CCDC6: variants seen among roughly 807,000 people sequenced by gnomAD.
CCDC6 encodes coiled-coil domain-containing protein 6.
A neutral mutation model predicts 56.6 loss-of-function variants in CCDC6; 20 were observed. That is an observed-to-expected ratio of 0.35 (90% CI 0.25 to 0.51). The LOEUF (loss-of-function observed/expected upper bound fraction) is 0.51. Ranked by LOEUF, CCDC6 falls within the 20% of genes least tolerant of loss-of-function variation. CCDC6 has a pLI of 0.95. For synonymous variants in CCDC6, 241 were observed against 234.4 expected, an observed-to-expected ratio of 1.03 and a Z score of -0.26; for missense variants, 367 against 601.1, an observed-to-expected ratio of 0.61 and a Z score of 4.07.
chr10:59,839,911 C>T (rs1197661383), intron 2 of CCDC6, among the ~76,000 whole-genome samples: 5 of 152,164 alleles, frequency 3.3e-5, no homozygotes, highest in South Asian at 4.1e-4. Context: ...CTACAACCTC[C>T]GACTCCCTGG....
chr10:59,876,281 T>G (rs1443668649), intron 1 of CCDC6, among the ~76,000 whole-genome samples: 1 of 151,858 alleles, frequency 6.6e-6, no homozygotes, highest in Non-Finnish European at 1.5e-5. Flanking sequence ...ACTCCTGACC[T>G]CAGGCGATCC....
intron 1 of CCDC6, among the ~76,000 whole-genome samples, chr10:59,893,294 C>T (rs2071437719): frequency 6.9e-6 from 1 of 145,184 alleles, no homozygotes; most frequent in African/African-American, 2.4e-5. Context: ...ACACCAGTGA[C>T]TTCATTTTTA....
chr10:59,811,430 T>A (rs1240551464), intron 5 of CCDC6, among the ~76,000 whole-genome samples: 1 of 152,206 alleles, frequency 6.6e-6, no homozygotes, highest in Admixed American at 6.5e-5. Flanking sequence ...AGATGTTCAT[T>A]GCGGTTGTAG....
At chr10:59,892,303 G>A (rs1175510889) in intron 1 of CCDC6, among the ~76,000 whole-genome samples, 4 of 152,072 alleles carry the variant, frequency 2.6e-5, no homozygotes, top group Non-Finnish European at 4.4e-5. Context: ...TGACCTATAG[G>A]GAAAAAAACC....
intron 1 of CCDC6, among the ~76,000 whole-genome samples, chr10:59,854,788 T>A (rs554132116): frequency 3.1e-4 from 47 of 152,342 alleles, no homozygotes; most frequent in South Asian, 8.3e-4. Flanking sequence ...CATACATATC[T>A]AAGCCTGCCA....
chr10:59,896,319 C>T (rs1360989232), intron 1 of CCDC6, among the ~76,000 whole-genome samples: 1 of 152,220 alleles, frequency 6.6e-6, no homozygotes, highest in Non-Finnish European at 1.5e-5. Flanking sequence ...ACCCTTCCCT[C>T]CTGGAGGACA....
chr10:59,840,045 C>T (rs937567276), intron 2 of CCDC6, among the ~76,000 whole-genome samples: 2 of 152,130 alleles, frequency 1.3e-5, no homozygotes, highest in Non-Finnish European at 2.9e-5. Context: ...AGGCTGGTCT[C>T]AATCTCCTGA....
At chr10:59,867,275 G>A (rs2071185738) in intron 1 of CCDC6, among the ~76,000 whole-genome samples, 1 of 152,086 alleles carries the variant, frequency 6.6e-6, no homozygotes. Context: ...TCTCAGCCAA[G>A]GGCATTCCAA....
chr10:59,887,207 T>C (rs1258200595), intron 1 of CCDC6, among the ~76,000 whole-genome samples: 4 of 152,138 alleles, frequency 2.6e-5, no homozygotes. Flanking sequence ...GGTATGACTT[T>C]AAGCAAGTCA....
At position 59,846,748 on chromosome 10, in the gene CCDC6, A is replaced by C. The variant is rs140477183; in HGVS notation, c.453+5805T>G. 1.4e-3 allele frequency among the ~76,000 whole-genome samples: 209 copies of C among 152,360 alleles called. 1 individual carries two copies. Among genetic ancestry groups the C allele is most frequent in the Admixed American group, 0.013 (192 of 15,304 alleles). ...AGGTCTGAAATTTGCAAGCTGGATT[A>C]GATTGAAAAGATTAAGATATATGTA... On this transcript the variant is annotated intron_variant, in intron 2 of 8. Transcript: ENST00000263102.
At chr10:59,794,183 C>A (rs73263408) in intron 8 of CCDC6, among the ~76,000 whole-genome samples, 5 of 152,150 alleles carry the variant, frequency 3.3e-5, no homozygotes, top group Admixed American at 6.5e-5. Context: ...AACAATAATG[C>A]AAGGAGCTGG....
intron 5 of CCDC6, 101 bp from the exon 6 acceptor site, chr10:59,807,179 GA>G: frequency 1.9e-6 from 2 of 1,041,366 alleles, no homozygotes; most frequent in Non-Finnish European, 2.8e-6. Flanking sequence ...TAGACAGAGG[GA>G]ATTGTTACAA....
At chr10:59,841,793 G>C (rs1032500740) in intron 2 of CCDC6, among the ~76,000 whole-genome samples, 4 of 151,096 alleles carry the variant, frequency 2.6e-5, no homozygotes, top group African/African-American at 9.7e-5. Context: ...TCAGCCTCCC[G>C]AGTAGCTGGG....
At chr10:59,812,849 A>G in intron 4 of CCDC6, 54 bp from the exon 5 acceptor site, 2 of 1,325,308 alleles carry the variant, frequency 1.5e-6, no homozygotes, top group Non-Finnish European at 1.1e-6. Context: ...TTGAAAAGAC[A>G]AAACAACATA....
chr10:59,897,382 T>C (rs950174742), intron 1 of CCDC6, among the ~76,000 whole-genome samples: 1 of 151,856 alleles, frequency 6.6e-6, no homozygotes, highest in Non-Finnish European at 1.5e-5. Context: ...GCCTCCCGAG[T>C]AGCTGGGATT....
intron 1 of CCDC6, among the ~76,000 whole-genome samples, chr10:59,868,919 G>A (rs547694158): frequency 1.4e-5 from 2 of 147,894 alleles, no homozygotes; most frequent in African/African-American, 5.3e-5. Flanking sequence ...TTTGTCCCAT[G>A]CACCTCTTTC....
chr10:59,847,212 C>T (rs916019150), intron 2 of CCDC6, among the ~76,000 whole-genome samples: 3 of 152,042 alleles, frequency 2.0e-5, no homozygotes, highest in Non-Finnish European at 4.4e-5. Flanking sequence ...GCCACCACGC[C>T]GGGCTGATTT....
chr10:59,804,469 G>A lies in CCDC6; in HGVS notation c.1056C>T (p.Ser352=). 1.2e-6 allele frequency: 2 copies of A among 1,613,186 alleles called. No homozygotes were observed. The highest frequency in any genetic ancestry group is 1.1e-5 in the South Asian group (1 of 91,058). ...TCGGAGAAGGTGTGTAAGGGATCGG[G>A]CTGGACACAGTGCGAGGTCTTAATC... ...AQGLRPRTVS[S]PIPYTPSPSS... is the part of the protein sequence containing the mutation. Residue 352 remains serine, a synonymous_variant, in exon 7 of 9, where the codon AGC becomes AGT. Transcript: ENST00000263102.
In CCDC6 at chr10:59,838,801, C is replaced by T. The variant is rs10994046; in HGVS notation, c.454-6148G>A. Reference sequence around the variant, plus strand: ...ATGCCACTCACTCTGCCCACATGCCCCACTCATGCTGTGCCTCTGCCTATA... The same window carrying T: ...ATGCCACTCACTCTGCCCACATGCCTCACTCATGCTGTGCCTCTGCCTATA... On this transcript the variant is annotated intron_variant, in intron 2 of 8. Transcript: ENST00000263102. 5.5e-3 allele frequency among the ~76,000 whole-genome samples: 843 copies of T among 152,270 alleles called. 10 individuals are homozygous for T. The highest frequency in any genetic ancestry group is 0.032 in the East Asian group (164 of 5,166).
Sources: gnomAD v4.1 joint callset for allele counts (sites outside exome capture counted in the v4.1 genomes callset) on GRCh38, gnomAD v4.1.1 for gene constraint, MANE v1.5 for transcripts, NCBI Gene and HGNC (gene_info 2026-07-23, HGNC 2026-07-21) for gene names.